Variants in CATSPERE observed in about 807,000 individuals in gnomAD.
The protein encoded by CATSPERE is catsper channel auxiliary subunit epsilon.
A neutral mutation model predicts 114.1 loss-of-function variants in CATSPERE; 93 were observed. The observed-to-expected ratio is 0.81, with a 90% CI of 0.69 to 0.97. The LOEUF is 0.97. CATSPERE is among the 50% of genes least tolerant of loss of function. The pLI is 0.00. For missense variants in CATSPERE, 1,058 were observed against 1,131.6 expected (o/e 0.93, Z 0.93); for synonymous variants, 341 against 384.1 (o/e 0.89, Z 1.31).
At chr1:244,471,500 T>A (rs1275569819) in intron 2 of CATSPERE, among the ~76,000 whole-genome samples, 1 of 152,208 alleles carries the variant, frequency 6.6e-6, no homozygotes, top group African/African-American at 2.4e-5. Flanking sequence ...AACATTTACC[T>A]CACCCCAAAA....
At chr1:244,516,026 T>C (rs1005698851) in intron 7 of CATSPERE, among the ~76,000 whole-genome samples, 3 of 151,726 alleles carry the variant, frequency 2.0e-5, no homozygotes, top group Non-Finnish European at 2.9e-5. Context: ...AAACCCCATC[T>C]GTACAAAAAA....
At chr1:244,613,881 A>G (rs2813910) in intron 19 of CATSPERE, among the ~76,000 whole-genome samples, 149,519 of 152,308 alleles carry the variant, frequency 0.98, 73,462 homozygotes, top group East Asian at 1. Flanking sequence ...GCCCCCATAC[A>G]TGGATTAATC....
At chr1:244,555,308 C>A (rs2148510586) in intron 9 of CATSPERE, among the ~76,000 whole-genome samples, 2 of 151,662 alleles carry the variant, frequency 1.3e-5, no homozygotes, top group South Asian at 2.1e-4. Flanking sequence ...TTGCTTGAAC[C>A]CGGGAGGCAG....
At chr1:244,618,092 A>G (rs1671622851) in intron 20 of CATSPERE, among the ~76,000 whole-genome samples, 1 of 152,256 alleles carries the variant, frequency 6.6e-6, no homozygotes, top group South Asian at 2.1e-4. Flanking sequence ...TGACAGGCAC[A>G]ATAGTAATTC....
intron 11 of CATSPERE, among the ~76,000 whole-genome samples, chr1:244,578,744 T>C (rs958145251): frequency 6.7e-6 from 1 of 149,244 alleles, no homozygotes; most frequent in East Asian, 2.0e-4. Context: ...CACATATATA[T>C]ATATACAGGC....
chr1:244,548,574 T>C (rs1660122100), intron 8 of CATSPERE, among the ~76,000 whole-genome samples: 2 of 152,234 alleles, frequency 1.3e-5, no homozygotes, highest in South Asian at 4.1e-4. Flanking sequence ...ATCCATGGAC[T>C]TACAGAATAT....
chr1:244,568,686 C>T lies in CATSPERE; in HGVS notation c.1508-3644C>T, dbSNP rs1323600178. ...TCAAGCCTCAGTAATGGCAGACGCT[C>T]CTACCCCCACCAAGTTCGGGTGTCC... On this transcript the variant is annotated intron_variant, in intron 10 of 21. Transcript: ENST00000366534. This position sits in a 1 kb window ranked among gnomAD's most constrained non-coding sequence, Gnocchi z 4.4. 6.6e-6 allele frequency among the ~76,000 whole-genome samples: 1 copy of T among 152,174 alleles called. No individual in the cohort carries two copies. Among genetic ancestry groups the T allele is most frequent in the Non-Finnish European group, 1.5e-5 (1 of 68,030 alleles).
chr1:244,577,216 G>A (rs10399868), intron 11 of CATSPERE, among the ~76,000 whole-genome samples: 28,112 of 151,524 alleles, frequency 0.19, 3,787 homozygotes, highest in East Asian at 0.4. Flanking sequence ...TTCCAAAAAA[G>A]TCAACTTAGT....
intron 7 of CATSPERE, among the ~76,000 whole-genome samples, chr1:244,516,592 A>G (rs1220980477): frequency 4.1e-5 from 6 of 145,006 alleles, no homozygotes; most frequent in Non-Finnish European, 6.1e-5. Context: ...CACGATATCA[A>G]CTCACTGCAA....
intron 13 of CATSPERE, among the ~76,000 whole-genome samples, chr1:244,584,723 C>G (rs542751781): frequency 6.6e-6 from 1 of 152,234 alleles, no homozygotes; most frequent in South Asian, 2.1e-4. Flanking sequence ...GAAATAGGAC[C>G]TGGCCCCTCC....
At chr1:244,473,623 A>C (rs1180697892) in intron 2 of CATSPERE, among the ~76,000 whole-genome samples, 4 of 151,984 alleles carry the variant, frequency 2.6e-5, no homozygotes. Flanking sequence ...AGTCCAATTT[A>C]TCAACCTTTT....
chr1:244,596,001 G>C (rs1668369674), intron 17 of CATSPERE, among the ~76,000 whole-genome samples: 1 of 152,174 alleles, frequency 6.6e-6, no homozygotes, highest in Non-Finnish European at 1.5e-5. Flanking sequence ...GAATTTCAGA[G>C]AAACAAATCT....
At chr1:244,534,363 C>CT (rs1465010732) in intron 8 of CATSPERE, among the ~76,000 whole-genome samples, 7 of 152,150 alleles carry the variant, frequency 4.6e-5, no homozygotes, top group African/African-American at 1.7e-4. Context: ...ACCCCTATCT[C>CT]TGTCTCTACC....
intron 2 of CATSPERE, among the ~76,000 whole-genome samples, chr1:244,469,079 GT>G (rs1204315796): frequency 1.3e-5 from 2 of 152,200 alleles, no homozygotes; most frequent in Non-Finnish European, 2.9e-5. Flanking sequence ...TAAACATGAA[GT>G]TGGTAAGCAT....
chr1:244,564,139 G>A lies in CATSPERE; in HGVS notation c.1507+2994G>A, dbSNP rs191551632. On this transcript the variant is annotated intron_variant, in intron 10 of 21. Transcript: ENST00000366534. ...TCTGTTTTGGTACCAGTACCATGCT[G>A]TTTTGGTTACTGTAGCCTTGTAGTA... Among the ~76,000 whole-genome samples, 348 of 152,298 alleles carry A rather than the reference G, an allele frequency of 2.3e-3. 2 individuals carry two copies. The highest frequency in any genetic ancestry group is 8.0e-3 in the African/African-American group (333 of 41,568).
chr1:244,585,695 GC>G (rs1239014255), intron 13 of CATSPERE, among the ~76,000 whole-genome samples: 6 of 152,336 alleles, frequency 3.9e-5, no homozygotes, highest in African/African-American at 1.2e-4. Context: ...GTGAAGTTAG[GC>G]CCTTGCTAAA....
intron 2 of CATSPERE, among the ~76,000 whole-genome samples, chr1:244,466,928 C>T (rs1667691955): frequency 6.6e-6 from 1 of 152,164 alleles, no homozygotes; most frequent in Admixed American, 6.5e-5. Flanking sequence ...GAATGGCTTC[C>T]TCTTTTTTAC....
chr1:244,478,993 A>G (rs1572291868), intron 4 of CATSPERE, among the ~76,000 whole-genome samples: 1 of 125,950 alleles, frequency 7.9e-6, no homozygotes, highest in Non-Finnish European at 1.6e-5. Context: ...GCACCATTGT[A>G]CTCCAGCCTG....
At chr1:244,530,286 A>T (rs1679386349) in intron 8 of CATSPERE, among the ~76,000 whole-genome samples, 1 of 152,084 alleles carries the variant, frequency 6.6e-6, no homozygotes, top group Admixed American at 6.6e-5. Context: ...TCCTTTCCCC[A>T]ATATATGTGC....
Sources: allele counts gnomAD v4.1 joint callset (sites outside exome capture counted in the v4.1 genomes callset), GRCh38; gene constraint gnomAD v4.1.1; non-coding constraint Gnocchi (gnomAD v3.1); transcripts MANE v1.5; gene names NCBI Gene and HGNC (gene_info 2026-07-23, HGNC 2026-07-21).